Variants in CLNK observed in about 807,000 individuals in gnomAD.
CLNK encodes the protein cytokine-dependent hematopoietic cell linker.
A neutral mutation model predicts 68.6 loss-of-function variants in CLNK; 74 were observed. The ratio of observed to expected loss-of-function variants is 1.08; its 90% confidence interval spans 0.89 to 1.31. The LOEUF (loss-of-function observed/expected upper bound fraction) is 1.31. CLNK is among the 50% of genes most tolerant of loss of function. The probability of loss-of-function intolerance (pLI) is 0.00; values close to 1 mark genes in which losing one functional copy is unlikely to be tolerated. For synonymous variants in CLNK, 198 were observed against 172.2 expected, an observed-to-expected ratio of 1.15 and a Z score of -1.17; for missense variants, 553 against 515.3, an observed-to-expected ratio of 1.07 and a Z score of -0.71.
intron 18 of CLNK, among the ~76,000 whole-genome samples, chr4:10,492,909 CAA>C (rs1222146062): frequency 6.6e-6 from 1 of 152,194 alleles, no homozygotes; most frequent in Non-Finnish European, 1.5e-5. Context: ...TTTTCACACC[CAA>C]AGAGTCCTGG....
chr4:10,641,585 G>A (rs1218019998), intron 2 of CLNK, among the ~76,000 whole-genome samples: 2 of 152,232 alleles, frequency 1.3e-5, no homozygotes, highest in Admixed American at 6.5e-5. Flanking sequence ...GTTGCTGGGA[G>A]TGCTGCATAT....
At chr4:10,647,314 C>T (rs548403902) in intron 2 of CLNK, among the ~76,000 whole-genome samples, 202 of 152,192 alleles carry the variant, frequency 1.3e-3, no homozygotes, top group African/African-American at 4.4e-3. Context: ...TGTTGGAGGT[C>T]CTTGGACATT....
At chr4:10,652,636 C>T (rs902538645) in intron 2 of CLNK, among the ~76,000 whole-genome samples, 18 of 152,198 alleles carry the variant, frequency 1.2e-4, no homozygotes, top group Middle Eastern at 6.8e-3. Flanking sequence ...AAAATTAGTT[C>T]ACCAGGAGGG....
chr4:10,531,605 C>A (rs1718544458), intron 12 of CLNK: 4 of 375,206 alleles, frequency 1.1e-5, no homozygotes, highest in Non-Finnish European at 2.1e-5. Flanking sequence ...CCACACCTGG[C>A]TAATTTTGTA....
chr4:10,613,276 G>C (rs1441044101), intron 2 of CLNK, among the ~76,000 whole-genome samples: 3 of 152,174 alleles, frequency 2.0e-5, no homozygotes, highest in African/African-American at 7.2e-5. Context: ...GGTATGAATA[G>C]TCCTTGGGGT....
chr4:10,513,643 C>T (rs926498519), intron 15 of CLNK, 46 bp from the exon 16 acceptor site: 2 of 1,543,668 alleles, frequency 1.3e-6, no homozygotes, highest in African/African-American at 1.4e-5. Flanking sequence ...GTGACTGGTG[C>T]AGTCTGTCCC....
intron 4 of CLNK, among the ~76,000 whole-genome samples, chr4:10,581,979 C>T (rs1475721882): frequency 6.6e-6 from 1 of 152,186 alleles, no homozygotes. Context: ...CCTGGCCTTA[C>T]CATATGCCTG....
At chr4:10,600,340 A>G (rs1235154834) in intron 2 of CLNK, among the ~76,000 whole-genome samples, 1 of 152,142 alleles carries the variant, frequency 6.6e-6, no homozygotes, top group Non-Finnish European at 1.5e-5. Flanking sequence ...TCGTTTGTTC[A>G]TGAGTCTAAT....
chr4:10,587,183 C>G (rs891276869), intron 3 of CLNK, among the ~76,000 whole-genome samples: 1 of 152,138 alleles, frequency 6.6e-6, no homozygotes, highest in Non-Finnish European at 1.5e-5. Context: ...CCAGGCTGGT[C>G]TCAAACTCCT....
At chr4:10,732,572 A>G in the CLNK span, among the ~76,000 whole-genome samples, 1 of 152,154 alleles carries the variant, frequency 6.6e-6, no homozygotes, top group African/African-American at 2.4e-5. Context: ...CTGAATGGGG[A>G]CTAGCCTTTT....
intron 7 of CLNK, among the ~76,000 whole-genome samples, chr4:10,560,251 C>A (rs1719835315): frequency 6.6e-6 from 1 of 152,192 alleles, no homozygotes; most frequent in South Asian, 2.1e-4. Flanking sequence ...TGGGCACTGG[C>A]TCACCTTTCA....
chr4:10,622,739 G>A (rs527743440), intron 2 of CLNK, among the ~76,000 whole-genome samples: 3 of 152,282 alleles, frequency 2.0e-5, no homozygotes, highest in African/African-American at 7.2e-5. Context: ...GTCAGCTTGG[G>A]CTGCTATAAC....
chr4:10,556,873 C>T (rs371638818), intron 8 of CLNK, among the ~76,000 whole-genome samples: 2 of 151,962 alleles, frequency 1.3e-5, no homozygotes, highest in East Asian at 1.9e-4. Flanking sequence ...GTCAGGAGTT[C>T]GCGACCAGCC....
At chr4:10,541,654 A>G (rs1719034669) in intron 10 of CLNK, among the ~76,000 whole-genome samples, 1 of 152,034 alleles carries the variant, frequency 6.6e-6, no homozygotes, top group Admixed American at 6.6e-5. Flanking sequence ...CTGAGGGCAT[A>G]TCCCATTTTC....
the CLNK span, among the ~76,000 whole-genome samples, chr4:10,704,865 T>C: frequency 2.0e-5 from 3 of 152,226 alleles, no homozygotes; most frequent in Non-Finnish European, 4.4e-5. Flanking sequence ...TTGCAGCACA[T>C]GTTAATCAAA....
At chr4:10,621,855 C>T (rs1055588402) in intron 2 of CLNK, among the ~76,000 whole-genome samples, 1 of 152,126 alleles carries the variant, frequency 6.6e-6, no homozygotes, top group African/African-American at 2.4e-5. Context: ...AAGAGATGAA[C>T]AATTCTAAGG....
chr4:10,643,716 GCC>G (rs1723404472), intron 2 of CLNK, among the ~76,000 whole-genome samples: 2 of 152,214 alleles, frequency 1.3e-5, no homozygotes, highest in Non-Finnish European at 2.9e-5. Context: ...ATTAGTTTAT[GCC>G]AAAATACCAA....
intron 1 of CLNK, among the ~76,000 whole-genome samples, chr4:10,677,941 C>T (rs1724941026): frequency 6.6e-6 from 1 of 152,038 alleles, no homozygotes; most frequent in African/African-American, 2.4e-5. Context: ...ATCCAAATGA[C>T]CTAGATTTTT....
chr4:10,730,904 TACAC>T, the CLNK span, among the ~76,000 whole-genome samples: 1 of 152,132 alleles, frequency 6.6e-6, no homozygotes, highest in Non-Finnish European at 1.5e-5. Context: ...CATGCACACA[TACAC>T]ACACACACAT....
Sources: allele counts gnomAD v4.1 joint callset (sites outside exome capture counted in the v4.1 genomes callset), GRCh38; gene constraint gnomAD v4.1.1; transcripts MANE v1.5; gene names NCBI Gene and HGNC (gene_info 2026-07-23, HGNC 2026-07-21).